Variants in KLF12 observed in about 807,000 individuals in gnomAD.
KLF12 encodes KLF transcription factor 12, also known as Krueppel-like factor 12.
A neutral mutation model predicts 37.8 loss-of-function variants in KLF12; 9 were observed. That is an observed-to-expected ratio of 0.24 (90% CI 0.14 to 0.42). KLF12 has a LOEUF of 0.42. Ranked by LOEUF, KLF12 falls within the 10% of genes least tolerant of loss-of-function variation. The pLI, the probability that KLF12 is intolerant of heterozygous loss-of-function variation, is 1.00. For missense variants in KLF12, 411 were observed against 516.0 expected, an observed-to-expected ratio of 0.80 and a Z score of 1.97; for synonymous variants, 208 against 202.1, an observed-to-expected ratio of 1.03 and a Z score of -0.25.
intron 1 of KLF12, among the ~76,000 whole-genome samples, chr13:74,125,157 AT>A (rs1877866148): frequency 1.4e-5 from 2 of 146,582 alleles, no homozygotes; most frequent in Admixed American, 6.8e-5. Context: ...AAAAAAAAAT[AT>A]ATATATATAC....
chr13:74,256,688 T>TTGTGTGTGTGTGTGTGTG, the KLF12 span, among the ~76,000 whole-genome samples: 53 of 148,020 alleles, frequency 3.6e-4, no homozygotes, highest in Admixed American at 1.3e-3. Flanking sequence ...TGAGTAGAGC[T>TTGTGTGTGTGTGTGTGTG]TGTGTGTGTG....
chr13:73,973,655 T>G (rs9530268), intron 2 of KLF12, among the ~76,000 whole-genome samples: 52,752 of 144,946 alleles, frequency 0.36, 11,090 homozygotes, highest in East Asian at 0.59. Flanking sequence ...ATAGAACATC[T>G]GCCCAGCAAG....
intron 6 of KLF12, among the ~76,000 whole-genome samples, chr13:73,756,256 T>C (rs567839802): frequency 6.6e-6 from 1 of 152,240 alleles, no homozygotes. Flanking sequence ...CAAAGCTTTA[T>C]GCATTTCATA....
At chr13:74,243,306 A>AAAAAAATTCCATGGT in the KLF12 span, among the ~76,000 whole-genome samples, 1 of 152,104 alleles carries the variant, frequency 6.6e-6, no homozygotes, top group Non-Finnish European at 1.5e-5. Context: ...ATGGCTGCAT[A>AAAAAAATTCCATGGT]GTATTCCATG....
chr13:74,048,832 G>A (rs980461873), intron 1 of KLF12, among the ~76,000 whole-genome samples: 3 of 152,144 alleles, frequency 2.0e-5, no homozygotes, highest in African/African-American at 7.2e-5. Context: ...CAGAATGTGA[G>A]ATAAGTCAAT....
chr13:73,932,270 G>T (rs1010373331), intron 3 of KLF12, among the ~76,000 whole-genome samples: 3 of 152,116 alleles, frequency 2.0e-5, no homozygotes. Flanking sequence ...TAGATGAAAA[G>T]AAGTTCATAT....
intron 3 of KLF12, among the ~76,000 whole-genome samples, chr13:73,909,410 A>G (rs1414211154): frequency 6.6e-6 from 1 of 152,202 alleles, no homozygotes; most frequent in African/African-American, 2.4e-5. Flanking sequence ...GATGAAGCAT[A>G]CAACATCAAC....
chr13:74,140,200 C>G, the KLF12 span, among the ~76,000 whole-genome samples: 1 of 152,090 alleles, frequency 6.6e-6, no homozygotes, highest in Non-Finnish European at 1.5e-5. Flanking sequence ...TTATAGAAAC[C>G]TACTGTCAAA....
intron 3 of KLF12, among the ~76,000 whole-genome samples, chr13:73,880,557 GCCT>G (rs2138945984): frequency 6.6e-6 from 1 of 152,276 alleles, no homozygotes; most frequent in South Asian, 2.1e-4. Flanking sequence ...GCTTCCAGAT[GCCT>G]CTAGCCATGA....
intron 2 of KLF12, among the ~76,000 whole-genome samples, chr13:73,945,557 T>C (rs1593767666): frequency 1.3e-5 from 2 of 152,270 alleles, no homozygotes; most frequent in Non-Finnish European, 1.5e-5. Flanking sequence ...GAGTGCAGTA[T>C]AGTGAAACTA....
intron 5 of KLF12, among the ~76,000 whole-genome samples, chr13:73,771,532 A>G (rs1176684569): frequency 6.6e-6 from 1 of 152,250 alleles, no homozygotes; most frequent in East Asian, 1.9e-4. Flanking sequence ...TTTTATGTTT[A>G]GAAATCTGAG....
intron 4 of KLF12, among the ~76,000 whole-genome samples, chr13:73,842,203 G>A (rs920616471): frequency 2.0e-5 from 3 of 152,036 alleles, no homozygotes; most frequent in Non-Finnish European, 2.9e-5. Context: ...ACCACTCCAT[G>A]AGCATCACAG....
intron 2 of KLF12, chr13:73,962,120 A>G: frequency 7.3e-6 from 3 of 411,970 alleles, no homozygotes; most frequent in Non-Finnish European, 1.4e-5. Context: ...ACATCCAGAC[A>G]ATGGAATATT....
chr13:74,296,450 A>G, the KLF12 span, among the ~76,000 whole-genome samples: 62 of 152,222 alleles, frequency 4.1e-4, no homozygotes, highest in African/African-American at 1.4e-3. Context: ...ATTAGAGAAA[A>G]ATTTGTGGAG....
At chr13:74,117,500 A>G (rs1432807356) in intron 1 of KLF12, among the ~76,000 whole-genome samples, 1 of 152,206 alleles carries the variant, frequency 6.6e-6, no homozygotes, top group Non-Finnish European at 1.5e-5. Context: ...AGAACAAAAT[A>G]ATCTATAGAA....
the KLF12 span, among the ~76,000 whole-genome samples, chr13:74,153,286 C>G: frequency 6.6e-6 from 1 of 152,142 alleles, no homozygotes; most frequent in Non-Finnish European, 1.5e-5. Flanking sequence ...GCTCATGATT[C>G]TTTCTCAATT....
At chr13:74,175,656 G>A in the KLF12 span, among the ~76,000 whole-genome samples, 1 of 152,292 alleles carries the variant, frequency 6.6e-6, no homozygotes, top group Non-Finnish European at 1.5e-5. Flanking sequence ...CATATCTGGA[G>A]ACTATGTAAT....
chr13:73,988,345 T>C (rs1377243731), intron 2 of KLF12, among the ~76,000 whole-genome samples: 2 of 152,248 alleles, frequency 1.3e-5, no homozygotes, highest in African/African-American at 2.4e-5. Flanking sequence ...CTGGCTCTAA[T>C]AAATATATTA....
intron 5 of KLF12, among the ~76,000 whole-genome samples, chr13:73,769,708 A>C (rs538776266): frequency 1.4e-4 from 22 of 152,286 alleles, no homozygotes; most frequent in African/African-American, 3.9e-4. Context: ...AACAAACAAA[A>C]AAAAAGATGT....
Sources: gnomAD v4.1 joint callset for allele counts (sites outside exome capture counted in the v4.1 genomes callset) on GRCh38, gnomAD v4.1.1 for gene constraint, MANE v1.5 for transcripts, NCBI Gene and HGNC (gene_info 2026-07-23, HGNC 2026-07-21) for gene names.